The following PTPRN2 variants were observed in gnomAD, a reference collection of about 807,000 sequenced individuals.
PTPRN2 encodes protein tyrosine phosphatase receptor type N2.
In PTPRN2, 74 loss-of-function variants were observed where a neutral mutation model predicts 118.8. That is an observed-to-expected ratio of 0.62 (90% CI 0.52 to 0.76). The LOEUF (loss-of-function observed/expected upper bound fraction) is 0.76. PTPRN2 is among the 30% of genes least tolerant of loss of function. PTPRN2 has a pLI of 0.00. For missense variants in PTPRN2, 1,481 were observed against 1,394.4 expected, an observed-to-expected ratio of 1.06 and a Z score of -0.99; for synonymous variants, 641 against 608.0, an observed-to-expected ratio of 1.05 and a Z score of -0.80.
In PTPRN2 at chr7:157,787,036, AC is replaced by A. The variant is rs1563107810; in HGVS notation, c.1789-104100del. 2.2e-4 allele frequency among the ~76,000 whole-genome samples: 33 copies of A among 147,750 alleles called. No homozygotes were observed. The highest frequency in any genetic ancestry group is 7.9e-4 in the African/African-American group (31 of 39,328). The stretch of plus-strand genomic sequence containing the variant: ...GAGGCGGACACAGGTGCGGCGGGGG[AC>A]GCGGGGGTGGCTGCCCGGGAGGCGG... On this transcript the variant is annotated intron_variant, in intron 12 of 22. Coordinates refer to ENST00000389418, the MANE Select transcript of PTPRN2 (RefSeq NM_002847.5). This position sits in a 1 kb window ranked among gnomAD's most constrained non-coding sequence, Gnocchi z 5.3.
chr7:157,927,202 C>T (rs1194228119), intron 11 of PTPRN2, among the ~76,000 whole-genome samples: 1,448 of 48,280 alleles, frequency 0.03, 62 homozygotes, highest in Non-Finnish European at 0.046. Context: ...TCTGGGACCC[C>T]AAAGACAGGA....
chr7:158,488,516 G>T (rs1342793281), intron 2 of PTPRN2, among the ~76,000 whole-genome samples: 2 of 152,170 alleles, frequency 1.3e-5, no homozygotes, highest in Non-Finnish European at 2.9e-5. Flanking sequence ...GGAACCCAGG[G>T]CTGGTCCCAC....
At chr7:157,895,962 G>C (rs900979036) in intron 12 of PTPRN2, among the ~76,000 whole-genome samples, 1 of 152,108 alleles carries the variant, frequency 6.6e-6, no homozygotes, top group Non-Finnish European at 1.5e-5. Flanking sequence ...GAGATGGCGA[G>C]GGGTAGCTCT....
chr7:158,086,937 AC>A (rs1813464746), intron 10 of PTPRN2, among the ~76,000 whole-genome samples: 1 of 152,224 alleles, frequency 6.6e-6, no homozygotes, highest in Non-Finnish European at 1.5e-5. Context: ...GGATGGGAGC[AC>A]TGGAGCTTAC....
At chr7:158,212,010 T>TA (rs1426995499) in intron 3 of PTPRN2, among the ~76,000 whole-genome samples, 1 of 152,222 alleles carries the variant, frequency 6.6e-6, no homozygotes. Context: ...GTGGTACCTC[T>TA]ACACAGTGGA....
In PTPRN2 at chr7:157,787,611, G is replaced by T. The variant is rs1256417524; in HGVS notation, c.1789-104674C>A. 6.6e-6 allele frequency among the ~76,000 whole-genome samples: 1 copy of T among 152,106 alleles called. No homozygotes were observed. Among genetic ancestry groups the T allele is most frequent in the Non-Finnish European group, 1.5e-5 (1 of 68,020 alleles). On this transcript the variant is annotated intron_variant, in intron 12 of 22. Coordinates refer to ENST00000389418, the MANE Select transcript of PTPRN2 (RefSeq NM_002847.5). This position sits in a 1 kb window ranked among gnomAD's most constrained non-coding sequence, Gnocchi z 5.3. ...GAGAGAGGCAGAGGAGAGTGGCCGT[G>T]ACCTGGAGGACAAGGACATGCATTT...
At chr7:158,285,646 C>A (rs528691413) in intron 3 of PTPRN2, among the ~76,000 whole-genome samples, 8 of 152,352 alleles carry the variant, frequency 5.3e-5, no homozygotes, top group African/African-American at 1.9e-4. Context: ...CACCACAGAG[C>A]ATGCTGCTGT....
At chr7:157,776,387 C>A (rs1297480911) in intron 12 of PTPRN2, among the ~76,000 whole-genome samples, 1 of 97,374 alleles carries the variant, frequency 1.0e-5, no homozygotes, top group Admixed American at 1.1e-4. Context: ...CCTCACTCTC[C>A]TCCTCCTCCA....
intron 2 of PTPRN2, among the ~76,000 whole-genome samples, chr7:158,463,563 GTCA>G (rs1455776080): frequency 6.6e-6 from 1 of 151,050 alleles, no homozygotes; most frequent in Non-Finnish European, 1.5e-5. Flanking sequence ...CATCCTCATT[GTCA>G]TCATCATTGT....
At chr7:157,657,020 CACCACACACAT>C (rs1307491590) in intron 13 of PTPRN2, among the ~76,000 whole-genome samples, 1 of 135,812 alleles carries the variant, frequency 7.4e-6, no homozygotes, top group Non-Finnish European at 1.6e-5. Flanking sequence ...GCCACACACA[CACCACACACAT>C]CACACATATA....
chr7:158,473,873 G>A (rs934441809), intron 2 of PTPRN2, among the ~76,000 whole-genome samples: 6 of 152,076 alleles, frequency 3.9e-5, no homozygotes, highest in Admixed American at 2.0e-4. Flanking sequence ...ATTGGGAAGC[G>A]AAAACTACTC....
rs1349581685 is a variant in PTPRN2 at position 157,893,857 on chromosome 7, G to A, written c.1788+4816C>T. The stretch of plus-strand genomic sequence containing the variant: ...AGCCAGGCCCTGGAGAGTCCAATCT[G>A]TAGAACTCACGGAGGAGGAGCTGGT... On this transcript the variant is annotated intron_variant, in intron 12 of 22. Coordinates refer to ENST00000389418, the MANE Select transcript of PTPRN2 (RefSeq NM_002847.5). The surrounding 1 kb of genome is among the most constrained non-coding windows in gnomAD (Gnocchi z 4.0). Among the ~76,000 whole-genome samples, 1 of 152,202 alleles carries A rather than the reference G, an allele frequency of 6.6e-6. No homozygotes were observed. The highest frequency in any genetic ancestry group is 2.4e-5 in the African/African-American group (1 of 41,452).
chr7:158,418,613 C>T (rs904324939), intron 2 of PTPRN2, among the ~76,000 whole-genome samples: 8 of 143,418 alleles, frequency 5.6e-5, no homozygotes, highest in Admixed American at 1.4e-4. Context: ...CTCCGTGTCC[C>T]GCTGTGTTAA....
At chr7:157,765,718 T>C (rs1802421111) in intron 12 of PTPRN2, among the ~76,000 whole-genome samples, 1 of 133,854 alleles carries the variant, frequency 7.5e-6, no homozygotes, top group African/African-American at 2.9e-5. Flanking sequence ...CATCCATTCT[T>C]CATCCATTCA....
At chr7:157,897,660 T>C (rs771392821) in intron 12 of PTPRN2, among the ~76,000 whole-genome samples, 1 of 152,204 alleles carries the variant, frequency 6.6e-6, no homozygotes, top group Non-Finnish European at 1.5e-5. Flanking sequence ...TTAAGCAGGC[T>C]CTGCATGGGA....
intron 21 of PTPRN2, among the ~76,000 whole-genome samples, chr7:157,553,482 G>A (rs979205788): frequency 3.0e-4 from 45 of 152,252 alleles, no homozygotes; most frequent in Non-Finnish European, 6.2e-4. Flanking sequence ...TGGCGTCGTC[G>A]TCCTCACATA....
At chr7:158,048,704 A>G (rs1809070485) in intron 11 of PTPRN2, among the ~76,000 whole-genome samples, 1 of 151,154 alleles carries the variant, frequency 6.6e-6, no homozygotes, top group Admixed American at 6.6e-5. Context: ...CACAACCACC[A>G]TCACCATCAC....
At chr7:158,048,562 A>C (rs570106520) in intron 11 of PTPRN2, among the ~76,000 whole-genome samples, 17 of 112,518 alleles carry the variant, frequency 1.5e-4, no homozygotes, top group Admixed American at 1.3e-3. Flanking sequence ...CATCATCACC[A>C]TCACTATCAT....
chr7:157,816,813 C>G (rs945399087), intron 12 of PTPRN2, among the ~76,000 whole-genome samples: 2 of 152,224 alleles, frequency 1.3e-5, no homozygotes, highest in African/African-American at 2.4e-5. Flanking sequence ...CTGGCCCCCT[C>G]TCTTGCCCCA....
Sources: allele counts gnomAD v4.1 joint callset (sites outside exome capture counted in the v4.1 genomes callset), GRCh38; gene constraint gnomAD v4.1.1; non-coding constraint Gnocchi (gnomAD v3.1); transcripts MANE v1.5; gene names NCBI Gene and HGNC (gene_info 2026-07-23, HGNC 2026-07-21).